Variants in P2RY14 observed in about 807,000 individuals in gnomAD.
The protein encoded by P2RY14 is purinergic receptor P2Y14, also known as P2Y purinoceptor 14.
Under a neutral mutation model 0.9 loss-of-function variants are expected in P2RY14, and 2 were observed. The observed-to-expected ratio is 2.16, with a 90% CI of 0.88 to 6.79. The LOEUF is 6.79. P2RY14 is among the 30% of genes most tolerant of loss of function. The pLI, the probability that P2RY14 is intolerant of heterozygous loss-of-function variation, is 0.05. For missense variants in P2RY14, 378 were observed against 400.1 expected (o/e 0.94, Z 0.47); for synonymous variants, 158 against 147.2 (o/e 1.07, Z -0.53).
chr3:151,243,684 A>G (rs1356046328), intron 1 of P2RY14, among the ~76,000 whole-genome samples: 36 of 151,962 alleles, frequency 2.4e-4, no homozygotes, highest in Admixed American at 4.6e-4. Flanking sequence ...AAAGACCATC[A>G]AGACTAGGAA....
At chr3:151,220,098 G>A (rs1729047837) in intron 1 of P2RY14, among the ~76,000 whole-genome samples, 1 of 147,612 alleles carries the variant, frequency 6.8e-6, no homozygotes, top group East Asian at 2.0e-4. Context: ...AAGATGTTTA[G>A]CAGCAGTTCT....
Position 151,243,482 on chromosome 3 carries a change from A to G in P2RY14, c.-132-23840T>C, listed in dbSNP as rs186876658. 1.4e-3 allele frequency among the ~76,000 whole-genome samples: 210 copies of G among 152,310 alleles called. 3 individuals carry two copies. In the East Asian group the frequency reaches 0.037, roughly 27 times the overall value. ...ATATTCAACATTCTTAAAGACAAGAATTTTCAACCTGGAATTTCATATCCA... is the reference window on the plus strand; with the variant it reads ...ATATTCAACATTCTTAAAGACAAGAGTTTTCAACCTGGAATTTCATATCCA... On this transcript the variant is annotated intron_variant, in intron 1 of 2. Coordinates refer to ENST00000309170, the MANE Select transcript of P2RY14 (RefSeq NM_014879.4).
At chr3:151,240,242 C>T (rs572478970) in intron 1 of P2RY14, among the ~76,000 whole-genome samples, 13 of 152,292 alleles carry the variant, frequency 8.5e-5, no homozygotes, top group East Asian at 7.7e-4. Flanking sequence ...ACTGACACGA[C>T]GCCCAGTTTT....
intron 1 of P2RY14, among the ~76,000 whole-genome samples, chr3:151,255,794 T>C (rs1396540117): frequency 6.6e-6 from 1 of 152,176 alleles, no homozygotes; most frequent in Non-Finnish European, 1.5e-5. Flanking sequence ...CATATGGAGT[T>C]AAATTTGGAT....
Position 151,214,172 on chromosome 3 carries a change from A to G in P2RY14, c.145T>C (p.Tyr49His). The change falls in exon 3 of 3, where the codon TAC becomes CAC. Residue 49 changes from tyrosine to histidine, a missense_variant. Physicochemically the swap from Tyr to His is moderately conservative, Grantham distance 83 (BLOSUM62 2). Transcript: ENST00000309170. ...LNGVSGWIFF[Y>H]VPSSKSFIIY... is the part of the protein sequence containing the mutation. ...ATGAAACTCTTAGAGCTGGGCACGT[A>G]AAAGAATATCCATCCTGACACTCCA... 2 of 1,614,180 alleles carry G rather than the reference A, an allele frequency of 1.2e-6. No individual in the cohort carries two copies. Among genetic ancestry groups the G allele is most frequent in the Non-Finnish European group, 1.7e-6 (2 of 1,180,006 alleles).
intron 1 of P2RY14, among the ~76,000 whole-genome samples, chr3:151,229,430 C>T (rs1255435260): frequency 6.6e-6 from 1 of 151,188 alleles, no homozygotes; most frequent in African/African-American, 2.4e-5. Flanking sequence ...CGTCAGCCTC[C>T]CGAGTAGCTG....
At chr3:151,260,331 T>C (rs927899742) in intron 1 of P2RY14, among the ~76,000 whole-genome samples, 5 of 152,256 alleles carry the variant, frequency 3.3e-5, no homozygotes, top group African/African-American at 7.2e-5. Flanking sequence ...TCTACTAATA[T>C]CTTTTAAAAG....
At chr3:151,261,551 G>A (rs981384539) in intron 1 of P2RY14, 1 of 152,168 alleles carries the variant, frequency 6.6e-6, no homozygotes, top group African/African-American at 2.4e-5. Flanking sequence ...CCTTAAGCTG[G>A]TGGTTCTCAA....
chr3:151,267,127 GTTTAT>G (rs1577179664), intron 1 of P2RY14, among the ~76,000 whole-genome samples: 1 of 152,296 alleles, frequency 6.6e-6, no homozygotes, highest in East Asian at 1.9e-4. Flanking sequence ...TTGAAGTGAA[GTTTAT>G]TTTGACTGTT....
At chr3:151,272,554 A>G (rs1741137670) in intron 1 of P2RY14, among the ~76,000 whole-genome samples, 1 of 152,214 alleles carries the variant, frequency 6.6e-6, no homozygotes, top group African/African-American at 2.4e-5. Flanking sequence ...CCTAGATTAT[A>G]TCCTGTTTTT....
At chr3:151,238,131 T>G (rs1206516534) in intron 1 of P2RY14, among the ~76,000 whole-genome samples, 1 of 86,626 alleles carries the variant, frequency 1.2e-5, no homozygotes, top group East Asian at 3.3e-4. Flanking sequence ...CAGTGCACAT[T>G]TTTTCTTTTT....
At chr3:151,230,014 G>C (rs780897615) in intron 1 of P2RY14, among the ~76,000 whole-genome samples, 24 of 152,008 alleles carry the variant, frequency 1.6e-4, no homozygotes, top group African/African-American at 5.8e-4. Context: ...CTGTTGCCCA[G>C]GCTGGAGTGC....
intron 1 of P2RY14, among the ~76,000 whole-genome samples, chr3:151,239,008 C>A (rs574149457): frequency 6.6e-6 from 1 of 152,260 alleles, no homozygotes; most frequent in African/African-American, 2.4e-5. Context: ...TGATAAAATT[C>A]AAGCTTTCAA....
At chr3:151,272,286 A>G (rs1324614998) in intron 1 of P2RY14, among the ~76,000 whole-genome samples, 1 of 152,258 alleles carries the variant, frequency 6.6e-6, no homozygotes, top group East Asian at 1.9e-4. Context: ...AGGTTTCTCA[A>G]GTCAAGAGGT....
chr3:151,257,195 G>A (rs979443433), intron 1 of P2RY14, among the ~76,000 whole-genome samples: 1 of 152,164 alleles, frequency 6.6e-6, no homozygotes, highest in African/African-American at 2.4e-5. Flanking sequence ...TATTTATGTA[G>A]TTTCTTTCTC....
Position 151,243,430 on chromosome 3 carries a change from C to A in P2RY14, c.-132-23788G>T, listed in dbSNP as rs565105759. 2.9e-3 allele frequency among the ~76,000 whole-genome samples: 436 copies of A among 152,002 alleles called. 3 individuals are homozygous for A. The highest frequency in any genetic ancestry group is 0.01 in the African/African-American group (420 of 41,428). On this transcript the variant is annotated intron_variant, in intron 1 of 2. Coordinates refer to ENST00000309170, the MANE Select transcript of P2RY14 (RefSeq NM_014879.4). Reference sequence around the variant, plus strand: ...AACAGCGGATCTCTCGGCAGAAACCCTACAAGCCAGAAGAGAGTGGGGGCC... The same window carrying A: ...AACAGCGGATCTCTCGGCAGAAACCATACAAGCCAGAAGAGAGTGGGGGCC...
At position 151,251,013 on chromosome 3, in the gene P2RY14, G is replaced by C. The variant is rs376458169; in HGVS notation, c.-133+27274C>G. 1.1e-4 allele frequency among the ~76,000 whole-genome samples: 16 copies of C among 152,178 alleles called. No individual in the cohort carries two copies. In the East Asian group the frequency reaches 1.5e-3, roughly 15 times the overall value. On this transcript the variant is annotated intron_variant, in intron 1 of 2. Transcript: ENST00000309170. ...ATGAGGCATTAAGGCAGCTTTTGAT[G>C]ATGATTCTCTCTGTGGTACTTTGGC...
chr3:151,273,130 T>A (rs1391708655), intron 1 of P2RY14, among the ~76,000 whole-genome samples: 1 of 152,158 alleles, frequency 6.6e-6, no homozygotes, highest in Non-Finnish European at 1.5e-5. Flanking sequence ...TCTGTATCTC[T>A]TTGGCTTCCA....
At position 151,213,271 on chromosome 3, in the gene P2RY14, G is replaced by A. The variant is rs775913836; in HGVS notation, c.*29C>T. On this transcript the variant is annotated 3_prime_UTR_variant, in exon 3 of 3. Transcript: ENST00000309170. ...TAATTGAAGATGACAACATGCACACGTGGTCTTTCTTTGGAAGAGGGTAGG... is the reference window on the plus strand; with the variant it reads ...TAATTGAAGATGACAACATGCACACATGGTCTTTCTTTGGAAGAGGGTAGG... The A allele has an allele frequency of 7.2e-6, 11 of 1,522,292 alleles. No individual in the cohort carries two copies. In the East Asian group the frequency reaches 1.4e-4, roughly 19 times the overall value. The allele number at this position is 1,522,292 out of a possible 1,614,324, so 94.3% of individuals were successfully genotyped here.
Sources: gnomAD v4.1 joint callset for allele counts (sites outside exome capture counted in the v4.1 genomes callset) on GRCh38, gnomAD v4.1.1 for gene constraint, MANE v1.5 for transcripts, NCBI Gene and HGNC (gene_info 2026-07-23, HGNC 2026-07-21) for gene names.